Variants in WDFY3 observed in about 807,000 individuals in gnomAD.
The protein encoded by WDFY3 is WD repeat and FYVE domain-containing protein 3.
A neutral mutation model predicts 409.6 loss-of-function variants in WDFY3; 66 were observed. The ratio of observed to expected loss-of-function variants is 0.16; its 90% confidence interval spans 0.13 to 0.20. The LOEUF (loss-of-function observed/expected upper bound fraction) is 0.20. WDFY3 is among the 10% of genes least tolerant of loss of function. The pLI is 1.00. For synonymous variants in WDFY3, 1,521 were observed against 1,537.1 expected, an observed-to-expected ratio of 0.99 and a Z score of 0.25; for missense variants, 3,031 against 4,298.1, an observed-to-expected ratio of 0.71 and a Z score of 8.24.
intron 51 of WDFY3, among the ~76,000 whole-genome samples, chr4:84,712,608 C>G (rs1172988401): frequency 6.6e-6 from 1 of 151,564 alleles, no homozygotes; most frequent in African/African-American, 2.4e-5. Flanking sequence ...ATTATCCCAG[C>G]TACTCGGGAG....
At chr4:84,793,366 T>A (rs1195164556) in intron 21 of WDFY3, among the ~76,000 whole-genome samples, 4 of 152,282 alleles carry the variant, frequency 2.6e-5, no homozygotes, top group Non-Finnish European at 4.4e-5. Context: ...ATACTGTTCA[T>A]ATGGAGATGT....
At chr4:84,903,949 A>G (rs1200290026) in intron 2 of WDFY3, among the ~76,000 whole-genome samples, 2 of 151,816 alleles carry the variant, frequency 1.3e-5, no homozygotes, top group Admixed American at 6.6e-5. Context: ...TATGGTCTGA[A>G]TATTTGTGTT....
chr4:84,956,980 TAA>T (rs571594170), intron 1 of WDFY3, among the ~76,000 whole-genome samples: 5 of 134,536 alleles, frequency 3.7e-5, no homozygotes, highest in Non-Finnish European at 4.8e-5. Flanking sequence ...ATGGTTTTCT[TAA>T]AAAAAAAAAA....
intron 11 of WDFY3, 115 bp from the exon 12 acceptor site, chr4:84,820,301 G>A (rs1753873735): frequency 1.3e-6 from 1 of 752,290 alleles, no homozygotes; most frequent in East Asian, 2.8e-5. Flanking sequence ...CCCCTAATAG[G>A]ACAGATATAA....
chr4:84,742,712 CA>C (rs1193016976), intron 37 of WDFY3, among the ~76,000 whole-genome samples: 2 of 152,196 alleles, frequency 1.3e-5, no homozygotes, highest in Non-Finnish European at 2.9e-5. Context: ...TCCAGGGTTG[CA>C]CAGTCCTTCC....
Position 84,671,555 on chromosome 4 carries a change from C to G in WDFY3, c.*1313G>C, listed in dbSNP as rs1725449902. On this transcript the variant is annotated 3_prime_UTR_variant, in exon 68 of 68. Coordinates refer to ENST00000295888, the MANE Select transcript of WDFY3 (RefSeq NM_014991.6). ...AAAATCCCACCACCAAGCCTTTTCT[C>G]TGTAAACTAATCTCTTAGCCCCTTC... 1 of 151,578 alleles carries G rather than the reference C, an allele frequency of 6.6e-6. No individual in the cohort carries two copies. The highest frequency in any genetic ancestry group is 1.5e-5 in the Non-Finnish European group (1 of 67,808). The allele number at this position is 151,578 out of a possible 1,614,324, so 9.4% of individuals were successfully genotyped here.
chr4:84,785,701 G>A (rs1747433014), intron 24 of WDFY3, among the ~76,000 whole-genome samples: 1 of 152,062 alleles, frequency 6.6e-6, no homozygotes, highest in Non-Finnish European at 1.5e-5. Context: ...AACAGTAATT[G>A]TTTTCATTAG....
At chr4:84,961,833 T>C (rs1774962758) in intron 1 of WDFY3, among the ~76,000 whole-genome samples, 2 of 152,144 alleles carry the variant, frequency 1.3e-5, no homozygotes, top group South Asian at 2.1e-4. Context: ...CTCTCAGATA[T>C]TGCTGTAGGA....
rs550438651 is a variant in WDFY3 at position 84,861,447 on chromosome 4, T to C, written c.-31-825A>G. On this transcript the variant is annotated intron_variant, in intron 3 of 67. Coordinates refer to ENST00000295888, the MANE Select transcript of WDFY3 (RefSeq NM_014991.6). ...CTTTGAGTACATGAAGAATAGTGTA[T>C]CTTATAGATTAAAATATGCAAATTG... Among the ~76,000 whole-genome samples, 4 of 152,278 alleles carry C rather than the reference T, an allele frequency of 2.6e-5. No individual in the cohort carries two copies. The South Asian group carries it at 6.2e-4, about 24-fold the overall frequency.
intron 2 of WDFY3, among the ~76,000 whole-genome samples, chr4:84,898,512 C>G (rs1027703238): frequency 1.3e-5 from 2 of 152,186 alleles, no homozygotes; most frequent in Non-Finnish European, 2.9e-5. Flanking sequence ...TACAGTCTTT[C>G]AACCATTGCA....
At chr4:84,854,789 G>A (rs1021991628) in intron 4 of WDFY3, among the ~76,000 whole-genome samples, 1 of 152,162 alleles carries the variant, frequency 6.6e-6, no homozygotes, top group Non-Finnish European at 1.5e-5. Flanking sequence ...CATGCCTATA[G>A]TCCCAGCCAC....
chr4:84,756,852 A>G (rs1741553640), intron 33 of WDFY3, 74 bp downstream of exon 33: 2 of 1,416,238 alleles, frequency 1.4e-6, no homozygotes, highest in African/African-American at 1.4e-5. Context: ...TTGGTTTTAC[A>G]GTGATTATCC....
chr4:84,730,049 T>C (rs1045782861), intron 44 of WDFY3, among the ~76,000 whole-genome samples: 1 of 152,202 alleles, frequency 6.6e-6, no homozygotes, highest in Non-Finnish European at 1.5e-5. Context: ...TTTTTTAATA[T>C]AGATCAGGGC....
At chr4:84,679,874 G>GTGTATATATA (rs1480973488) in intron 64 of WDFY3, among the ~76,000 whole-genome samples, 4 of 146,942 alleles carry the variant, frequency 2.7e-5, no homozygotes, top group African/African-American at 1.0e-4. Context: ...ACGTACGTGT[G>GTGTATATATA]TATATATATA....
chr4:84,713,414 AT>A (rs1733279296), intron 50 of WDFY3, among the ~76,000 whole-genome samples, 175 bp from the exon 51 acceptor site: 1 of 152,200 alleles, frequency 6.6e-6, no homozygotes, highest in Non-Finnish European at 1.5e-5. Context: ...AGAGGAAATA[AT>A]TTCTTAGCAC....
At chr4:84,795,036 T>C (rs1578551493) in intron 19 of WDFY3, 57 bp from the exon 20 acceptor site, 1 of 1,257,226 alleles carries the variant, frequency 8.0e-7, no homozygotes, top group African/African-American at 1.5e-5. Context: ...CTCTTAACAC[T>C]GTGCACTTAC....
intron 5 of WDFY3, among the ~76,000 whole-genome samples, chr4:84,845,658 C>T (rs1757992351): frequency 6.6e-6 from 1 of 151,746 alleles, no homozygotes; most frequent in African/African-American, 2.4e-5. Context: ...TATACTTAGG[C>T]CCTGAAAAAT....
intron 3 of WDFY3, among the ~76,000 whole-genome samples, chr4:84,889,514 T>C (rs1342294858): frequency 1.3e-5 from 2 of 152,168 alleles, no homozygotes; most frequent in African/African-American, 4.8e-5. Flanking sequence ...AATTCTGGTT[T>C]GATTCACAAA....
Position 84,729,487 on chromosome 4 carries a change from A to C in WDFY3, c.7222-2576T>G, listed in dbSNP as rs543247316. Among the ~76,000 whole-genome samples the C allele has an allele frequency of 6.6e-5, 10 of 151,954 alleles. No individual in the cohort carries two copies. The East Asian group carries it at 1.9e-3, about 29-fold the overall frequency. ...CCATATGTACTTAATTTTTCTCGATATTAATAATTATTACTATTTTTATTA... is the reference window on the plus strand; with the variant it reads ...CCATATGTACTTAATTTTTCTCGATCTTAATAATTATTACTATTTTTATTA... On this transcript the variant is annotated intron_variant, in intron 44 of 67. Coordinates refer to ENST00000295888, the MANE Select transcript of WDFY3 (RefSeq NM_014991.6).
Sources: gnomAD v4.1 joint callset for allele counts (sites outside exome capture counted in the v4.1 genomes callset) on GRCh38, gnomAD v4.1.1 for gene constraint, MANE v1.5 for transcripts, NCBI Gene and HGNC (gene_info 2026-07-23, HGNC 2026-07-21) for gene names.